The following LAMC3 variants were observed in gnomAD, a reference collection of about 807,000 sequenced individuals.
The protein encoded by LAMC3 is laminin subunit gamma 3, also known as laminin subunit gamma-3.
A neutral mutation model predicts 173.8 loss-of-function variants in LAMC3; 128 were observed. The observed-to-expected ratio is 0.74, with a 90% CI of 0.64 to 0.85. LAMC3 has a LOEUF of 0.85. LAMC3 is among the 40% of genes least tolerant of loss of function. The pLI is 0.00. For synonymous variants in LAMC3, 897 were observed against 909.1 expected (o/e 0.99, Z 0.24); for missense variants, 2,022 against 2,156.0 (o/e 0.94, Z 1.23).
intron 8 of LAMC3, among the ~76,000 whole-genome samples, chr9:131,048,081 G>T (rs1473016540): frequency 1.0e-5 from 1 of 98,844 alleles, no homozygotes; most frequent in East Asian, 3.4e-4. Flanking sequence ...TTTTGAGTCA[G>T]AGTCTTGCTC....
chr9:131,049,046 G>A lies in LAMC3; in HGVS notation c.1546G>A (p.Val516Met). The A allele has an allele frequency of 1.9e-6, 3 of 1,551,558 alleles. No homozygotes were observed. Among genetic ancestry groups the A allele is most frequent in the African/African-American group, 2.7e-5 (2 of 73,166 alleles). The change falls in exon 9 of 28, where the codon GTG (valine) becomes ATG (methionine). Residue 516 changes from valine (V) to methionine (M), a missense_variant. Val to Met is a conservative substitution (Grantham distance 21). Transcript: ENST00000361069. ...AGCCGAAGGCTGGTGGGCCAGAAGTGTGGGGGGCTCTGAGCACCCCCCACA... is the reference window on the plus strand; with the variant it reads ...AGCCGAAGGCTGGTGGGCCAGAAGTATGGGGGGCTCTGAGCACCCCCCACA... Reference protein sequence around the residue: ...QGAEGWWARSVGGSEHPPQWS... With the variant: ...QGAEGWWARSMGGSEHPPQWS...
rs1830199294 is a variant in LAMC3, at chr9:131,079,568, C to CGT, written c.3927+270_3927+271insGT. On this transcript the variant is annotated intron_variant, in intron 23 of 27. Coordinates refer to ENST00000361069, the MANE Select transcript of LAMC3 (RefSeq NM_006059.4). Reference sequence around the variant, plus strand: ...AATTAGCCAGGCATGGTGGCATGTGCCTATAGTCCCATCTACTTGGGAGGC... The same window carrying CGT: ...AATTAGCCAGGCATGGTGGCATGTGCGTCTATAGTCCCATCTACTTGGGAGGC... Among the ~76,000 whole-genome samples the CGT allele has an allele frequency of 2.0e-5, 3 of 152,250 alleles. No homozygotes were observed. The South Asian group carries it at 6.2e-4, about 32-fold the overall frequency.
intron 6 of LAMC3, among the ~76,000 whole-genome samples, chr9:131,039,708 A>G (rs1482608370): frequency 1.3e-5 from 2 of 151,804 alleles, no homozygotes; most frequent in Non-Finnish European, 2.9e-5. Flanking sequence ...AGCCCAGTGC[A>G]AGGAGGAGCT....
In LAMC3 at chr9:131,087,721, G is replaced by T. The variant is rs752020155; in HGVS notation, c.4381G>T (p.Gly1461Cys). The T allele has an allele frequency of 2.5e-6, 4 of 1,614,110 alleles. No individual in the cohort carries two copies. Among genetic ancestry groups the T allele is most frequent in the Non-Finnish European group, 3.4e-6 (4 of 1,179,982 alleles). ...RQELEEAERV[G>C]AGLSEMEQQI... ...TTCTTCCTCCTCCCCCTGAAAGGTG[G>T]GTGCTGGGCTGAGCGAGATGGAGCA... Residue 1461 changes from glycine to cysteine, a missense_variant, in exon 27 of 28, where the codon GGT (glycine) becomes TGT (cysteine). Coordinates refer to ENST00000361069, the MANE Select transcript of LAMC3 (RefSeq NM_006059.4).
chr9:131,065,003 T>A (rs1564382857), intron 13 of LAMC3, among the ~76,000 whole-genome samples: 1 of 139,266 alleles, frequency 7.2e-6, no homozygotes, highest in Non-Finnish European at 1.5e-5. Context: ...ATGGTGCCAT[T>A]GCACTCCAGC....
intron 9 of LAMC3, among the ~76,000 whole-genome samples, chr9:131,051,439 A>T (rs1263544034): frequency 7.2e-6 from 1 of 138,694 alleles, no homozygotes; most frequent in East Asian, 2.1e-4. Flanking sequence ...GTCTTGGCTC[A>T]CTGCAACCTC....
chr9:131,028,102 G>A (rs974257902), intron 2 of LAMC3, among the ~76,000 whole-genome samples: 9 of 81,042 alleles, frequency 1.1e-4, no homozygotes, highest in African/African-American at 7.7e-4. Context: ...CCTGAGCTCC[G>A]CCTCCTGTCA....
chr9:131,041,850 G>A (rs978055961), intron 7 of LAMC3, 115 bp downstream of exon 7: 2 of 874,736 alleles, frequency 2.3e-6, no homozygotes, highest in African/African-American at 3.3e-5. Context: ...CATGGACTTG[G>A]GTGACCTTGT....
At chr9:131,071,933 G>C (rs893735161) in intron 18 of LAMC3, among the ~76,000 whole-genome samples, 1 of 152,268 alleles carries the variant, frequency 6.6e-6, no homozygotes, top group South Asian at 2.1e-4. Flanking sequence ...ATTCTTGGCC[G>C]TTTTGCTCTG....
rs1350941400 is a variant in LAMC3, at chr9:131,040,044, T to G, written c.1283+796T>G. ...TTTTTTTTTTTTTTGAGACAGATTCTTGTTTTGTCAACCAGGCTGGAATGC... is the reference window on the plus strand; with the variant it reads ...TTTTTTTTTTTTTTGAGACAGATTCGTGTTTTGTCAACCAGGCTGGAATGC... On this transcript the variant is annotated intron_variant, in intron 6 of 27. Transcript: ENST00000361069. Among the ~76,000 whole-genome samples the G allele has an allele frequency of 4.0e-5, 6 of 148,528 alleles. No individual in the cohort carries two copies. In the East Asian group the frequency reaches 1.0e-3, roughly 25 times the overall value.
rs111395199 is a variant in LAMC3, at chr9:131,067,770, G to A, written c.2594-308G>A. Among the ~76,000 whole-genome samples the A allele has an allele frequency of 0.014, 1,742 of 120,782 alleles. 27 individuals carry two copies. Among genetic ancestry groups the A allele is most frequent in the African/African-American group, 0.047 (1,564 of 33,454 alleles). The allele number at this position is 120,782 out of a possible 152,430, so 79.2% of individuals were successfully genotyped here. ...AGGGTCACGGGACCCAGAGCCATGG[G>A]TGCAGGGCTGTGCCTGTGACCCTCG... On this transcript the variant is annotated intron_variant, in intron 14 of 27. Transcript: ENST00000361069.
chr9:131,055,314 G>A (rs1588154164), intron 11 of LAMC3, among the ~76,000 whole-genome samples: 1 of 151,778 alleles, frequency 6.6e-6, no homozygotes, highest in Non-Finnish European at 1.5e-5. Flanking sequence ...AGAGTTTATA[G>A]TTGTTTTCTG....
intron 27 of LAMC3, among the ~76,000 whole-genome samples, chr9:131,088,040 CTGTT>C (rs1368777726): frequency 3.3e-5 from 5 of 152,214 alleles, no homozygotes; most frequent in Non-Finnish European, 5.9e-5. Context: ...CTTTGAGTAA[CTGTT>C]TGTGCCTCCA....
At chr9:131,076,781 G>A (rs1009641886) in intron 21 of LAMC3, among the ~76,000 whole-genome samples, 3 of 152,194 alleles carry the variant, frequency 2.0e-5, no homozygotes, top group Admixed American at 6.5e-5. Flanking sequence ...TGGTGAGGAC[G>A]TGCCCAAGGT....
chr9:131,074,801 A>G (rs750046810), intron 20 of LAMC3, among the ~76,000 whole-genome samples: 5 of 152,170 alleles, frequency 3.3e-5, no homozygotes, highest in Non-Finnish European at 7.3e-5. Flanking sequence ...CTTATTTTAC[A>G]GATGAGAAAA....
Position 131,026,765 on chromosome 9 carries a change from A to G in LAMC3, c.678+176A>G, listed in dbSNP as rs1008663613. 1.3e-5 allele frequency among the ~76,000 whole-genome samples: 2 copies of G among 152,146 alleles called. No individual in the cohort carries two copies. Among genetic ancestry groups the G allele is most frequent in the South Asian group, 4.1e-4 (2 of 4,832 alleles). ...TGCTCTGTCGCCCAGGCTGGAGTGC[A>G]GTGACGCGATTTCGGTTCACTGAAA... is the stretch of plus-strand genomic sequence containing the variant. On this transcript the variant is annotated intron_variant, in intron 2 of 27. Transcript: ENST00000361069. This position sits in a 1 kb window ranked among gnomAD's most constrained non-coding sequence, Gnocchi z 4.8.
rs768660170 is a variant in LAMC3, at chr9:131,026,403, C to T, written c.492C>T (p.Ser164=). The change falls in exon 2 of 28, where the codon AGC becomes AGT. Residue 164 remains serine, a synonymous_variant. Coordinates refer to ENST00000361069, the MANE Select transcript of LAMC3 (RefSeq NM_006059.4). This position sits in a 1 kb window ranked among gnomAD's most constrained non-coding sequence, Gnocchi z 4.8. ...CATGGGAGCCCTACCAGTTCTACAG[C>T]GCCTCCTGCCAGAAGACCTACGGCC... ...DGPWEPYQFY[S]ASCQKTYGRP... is the part of the protein sequence containing the mutation. The T allele has an allele frequency of 1.6e-5, 26 of 1,613,986 alleles. No homozygotes were observed. Among genetic ancestry groups the T allele is most frequent in the South Asian group, 9.9e-5 (9 of 91,096 alleles).
At chr9:131,068,810 G>A (rs1478742492) in intron 15 of LAMC3, 98 bp from the exon 16 acceptor site, 1 of 1,324,966 alleles carries the variant, frequency 7.5e-7, no homozygotes, top group Non-Finnish European at 1.1e-6. Flanking sequence ...TGTCAGCAGA[G>A]GGCTGTGATC....
In LAMC3 at chr9:131,052,581, A is replaced by C. The variant is rs1834312214; in HGVS notation, c.1721A>C (p.Gln574Pro). ...CCCGGGGACTCCCCACTCCCTGTACAGCTGAGGCTGGAAGGGACAGGCTTG... is the reference window on the plus strand; with the variant it reads ...CCCGGGGACTCCCCACTCCCTGTACCGCTGAGGCTGGAAGGGACAGGCTTG... Reference protein sequence around the residue: ...VPPGDSPLPVQLRLEGTGLAL... With the variant: ...VPPGDSPLPVPLRLEGTGLAL... The change falls in exon 10 of 28, where the codon CAG becomes CCG. Residue 574 changes from glutamine to proline, a missense_variant. Transcript: ENST00000361069. 2 of 1,613,968 alleles carry C rather than the reference A, an allele frequency of 1.2e-6. No individual in the cohort carries two copies. The highest frequency in any genetic ancestry group is 1.7e-6 in the Non-Finnish European group (2 of 1,179,900).
Sources: allele counts gnomAD v4.1 joint callset (sites outside exome capture counted in the v4.1 genomes callset), GRCh38; gene constraint gnomAD v4.1.1; non-coding constraint Gnocchi (gnomAD v3.1); transcripts MANE v1.5; gene names NCBI Gene and HGNC (gene_info 2026-07-23, HGNC 2026-07-21).